The following DNER variants were observed in gnomAD, a reference collection of about 807,000 sequenced individuals.
DNER encodes delta/notch like EGF repeat containing, also known as delta and Notch-like epidermal growth factor-related receptor.
DNER carries 33 observed loss-of-function variants against 78.2 expected under a neutral mutation model. The ratio of observed to expected loss-of-function variants is 0.42; its 90% CI spans 0.32 to 0.56. The LOEUF is 0.56. Ranked by LOEUF, DNER falls within the 20% of genes least tolerant of loss-of-function variation. The pLI is 0.11. For missense variants in DNER, 918 were observed against 975.3 expected (o/e 0.94, Z 0.78); for synonymous variants, 417 against 384.8 (o/e 1.08, Z -0.98).
Position 229,485,603 on chromosome 2 carries a change from A to C in DNER, c.1148-8350T>G, listed in dbSNP as rs76884103. Among the ~76,000 whole-genome samples, 1,351 of 152,254 alleles carry C rather than the reference A, an allele frequency of 8.9e-3. 23 individuals are homozygous for C. Among genetic ancestry groups the C allele is most frequent in the African/African-American group, 0.031 (1,297 of 41,560 alleles). Reference sequence around the variant, plus strand: ...AAAAAATCCCCCCACCAACCCATATATCATTATCGACACCACCATTTCCCT... The same window carrying C: ...AAAAAATCCCCCCACCAACCCATATCTCATTATCGACACCACCATTTCCCT... On this transcript the variant is annotated intron_variant, in intron 6 of 12. Coordinates refer to ENST00000341772, the MANE Select transcript of DNER (RefSeq NM_139072.4).
intron 5 of DNER, among the ~76,000 whole-genome samples, chr2:229,536,577 T>C (rs1405311436): frequency 6.6e-6 from 1 of 151,916 alleles, no homozygotes; most frequent in Non-Finnish European, 1.5e-5. Flanking sequence ...AACTGAAAAA[T>C]AGGACAAAGG....
At chr2:229,592,730 C>T (rs1032923944) in intron 1 of DNER, among the ~76,000 whole-genome samples, 6 of 152,132 alleles carry the variant, frequency 3.9e-5, no homozygotes, top group East Asian at 1.9e-4. Flanking sequence ...CTTCAGATAG[C>T]GCAAGGGTTC....
At chr2:229,564,635 T>A (rs1697065133) in intron 4 of DNER, among the ~76,000 whole-genome samples, 1 of 138,228 alleles carries the variant, frequency 7.2e-6, no homozygotes, top group Admixed American at 7.1e-5. Context: ...ATCCTCATCC[T>A]CACCCCATCA....
rs535470013 is a variant in DNER at position 229,518,964 on chromosome 2, T to A, written c.994-6028A>T. On this transcript the variant is annotated intron_variant, in intron 5 of 12. Coordinates refer to ENST00000341772, the MANE Select transcript of DNER (RefSeq NM_139072.4). ...ATCATGCGATTACTCTTTTTTTTTT[T>A]TTTATTTTTGATTTGGGCTGCTGTA... Among the ~76,000 whole-genome samples, 4 of 151,830 alleles carry A rather than the reference T, an allele frequency of 2.6e-5. No homozygotes were observed. In the East Asian group the frequency reaches 7.7e-4, roughly 29 times the overall value.
At chr2:229,490,965 G>T (rs955227274) in intron 6 of DNER, among the ~76,000 whole-genome samples, 66 of 152,142 alleles carry the variant, frequency 4.3e-4, no homozygotes, top group African/African-American at 1.3e-3. Flanking sequence ...TTTCCAATTT[G>T]TCCTCCCTAT....
chr2:229,644,683 C>T (rs993543688), intron 1 of DNER, among the ~76,000 whole-genome samples: 1 of 152,060 alleles, frequency 6.6e-6, no homozygotes, highest in Non-Finnish European at 1.5e-5. Context: ...TCAAGGGTCA[C>T]CTGAGAGTTA....
At chr2:229,635,240 T>A (rs1698508096) in intron 1 of DNER, among the ~76,000 whole-genome samples, 2 of 152,154 alleles carry the variant, frequency 1.3e-5, no homozygotes, top group African/African-American at 4.8e-5. Context: ...AAGGGGTTCA[T>A]GCCTAGTACA....
At chr2:229,546,836 G>A in intron 5 of DNER, 111 bp downstream of exon 5, 1 of 1,447,022 alleles carries the variant, frequency 6.9e-7, no homozygotes, top group Non-Finnish European at 9.4e-7. Flanking sequence ...CAGACAGATA[G>A]ATAGATAGAG....
At chr2:229,554,416 G>T (rs561654035) in intron 4 of DNER, among the ~76,000 whole-genome samples, 1 of 152,296 alleles carries the variant, frequency 6.6e-6, no homozygotes, top group South Asian at 2.1e-4. Context: ...CAATGGCCAG[G>T]CATGATGGCT....
chr2:229,419,177 C>T (rs1368490551), intron 8 of DNER, among the ~76,000 whole-genome samples: 1 of 152,050 alleles, frequency 6.6e-6, no homozygotes. Context: ...CCCACAATTT[C>T]TTGATAAAGT....
intron 5 of DNER, among the ~76,000 whole-genome samples, chr2:229,536,639 C>A (rs1227236234): frequency 6.6e-6 from 1 of 152,126 alleles, no homozygotes; most frequent in Non-Finnish European, 1.5e-5. Context: ...CACCAAGCTC[C>A]AAAGCGATCA....
chr2:229,476,188 G>A (rs1386592641), intron 7 of DNER, among the ~76,000 whole-genome samples: 1 of 152,126 alleles, frequency 6.6e-6, no homozygotes, highest in East Asian at 1.9e-4. Context: ...CTGCCCAAGT[G>A]AGCAGGAAGA....
At chr2:229,583,971 C>G (rs1697449398) in intron 4 of DNER, among the ~76,000 whole-genome samples, 1 of 152,124 alleles carries the variant, frequency 6.6e-6, no homozygotes, top group Non-Finnish European at 1.5e-5. Flanking sequence ...AGCTGGACTT[C>G]CAAAGATTAA....
chr2:229,662,911 C>A (rs1219879797), intron 1 of DNER, among the ~76,000 whole-genome samples: 1 of 152,214 alleles, frequency 6.6e-6, no homozygotes, highest in Non-Finnish European at 1.5e-5. Flanking sequence ...ACCTCTGTGA[C>A]CTAAATCCAG....
chr2:229,424,476 C>T lies in DNER; in HGVS notation c.1487-6246G>A, dbSNP rs570939195. Among the ~76,000 whole-genome samples, 42 of 152,236 alleles carry T rather than the reference C, an allele frequency of 2.8e-4. 1 individual carries two copies. The highest frequency in any genetic ancestry group is 4.6e-4 in the Admixed American group (7 of 15,288). ...GTTGAATTAAACAAAAACTTATTTT[C>T]CCAGAGTTTTGGAGGCTAGAAGTCC... On this transcript the variant is annotated intron_variant, in intron 8 of 12. Coordinates refer to ENST00000341772, the MANE Select transcript of DNER (RefSeq NM_139072.4).
At chr2:229,453,920 T>TAAAAA (rs10602558) in intron 7 of DNER, among the ~76,000 whole-genome samples, 48 of 106,816 alleles carry the variant, frequency 4.5e-4, no homozygotes, top group Non-Finnish European at 6.1e-4. Flanking sequence ...TAAAATATAT[T>TAAAAA]AAAAAAAAAA....
chr2:229,698,509 G>C (rs1324796621), intron 1 of DNER, among the ~76,000 whole-genome samples: 1 of 152,092 alleles, frequency 6.6e-6, no homozygotes, highest in Non-Finnish European at 1.5e-5. Flanking sequence ...TAGGGTCCGG[G>C]GAAAGCAAGG....
At chr2:229,673,548 A>G (rs192491265) in intron 1 of DNER, among the ~76,000 whole-genome samples, 227 of 152,160 alleles carry the variant, frequency 1.5e-3, no homozygotes, top group Admixed American at 4.3e-3. Flanking sequence ...AACATGTGTC[A>G]ACAGTCCCCA....
intron 5 of DNER, among the ~76,000 whole-genome samples, chr2:229,516,408 A>G (rs573993117): frequency 1.3e-5 from 2 of 152,332 alleles, no homozygotes; most frequent in Non-Finnish European, 2.9e-5. Flanking sequence ...TCTAACTCCA[A>G]TTAACTCCAC....
Sources: allele counts gnomAD v4.1 joint callset (sites outside exome capture counted in the v4.1 genomes callset), GRCh38; gene constraint gnomAD v4.1.1; transcripts MANE v1.5; gene names NCBI Gene and HGNC (gene_info 2026-07-23, HGNC 2026-07-21).